KIAA0825: variants seen among roughly 807,000 people sequenced by gnomAD.
KIAA0825 encodes uncharacterized protein KIAA0825.
A neutral mutation model predicts 147.6 loss-of-function variants in KIAA0825; 119 were observed. The ratio of observed to expected loss-of-function variants is 0.81; its 90% CI spans 0.69 to 0.94. The LOEUF (loss-of-function observed/expected upper bound fraction) is 0.94. Ranked by LOEUF, KIAA0825 falls within the 40% of genes least tolerant of loss-of-function variation. KIAA0825 has a pLI of 0.00. For missense variants in KIAA0825, 1,381 were observed against 1,472.7 expected, an observed-to-expected ratio of 0.94 and a Z score of 1.02; for synonymous variants, 470 against 518.1, an observed-to-expected ratio of 0.91 and a Z score of 1.26.
intron 3 of KIAA0825, among the ~76,000 whole-genome samples, chr5:94,529,825 G>T (rs1158676759): frequency 1.3e-5 from 2 of 152,144 alleles, no homozygotes; most frequent in African/African-American, 2.4e-5. Context: ...TAAAACAAAT[G>T]CAATAAATAC....
chr5:94,211,122 G>T (rs1426584703), intron 20 of KIAA0825, among the ~76,000 whole-genome samples: 1 of 152,018 alleles, frequency 6.6e-6, no homozygotes, highest in Admixed American at 6.6e-5. Context: ...CCAACTCTTT[G>T]TCTGTTCTTT....
At chr5:94,596,924 T>A (rs72773504) in intron 1 of KIAA0825, among the ~76,000 whole-genome samples, 21,398 of 152,108 alleles carry the variant, frequency 0.14, 1,731 homozygotes, top group East Asian at 0.32. Flanking sequence ...ATATGTTGAT[T>A]TTGTATCCTG....
chr5:94,383,632 T>G (rs962979097), intron 20 of KIAA0825, among the ~76,000 whole-genome samples: 1 of 152,178 alleles, frequency 6.6e-6, no homozygotes, highest in Non-Finnish European at 1.5e-5. Flanking sequence ...ATCCAAATTT[T>G]TAAAGTTTAC....
chr5:94,203,226 T>G (rs1203529131), intron 20 of KIAA0825, among the ~76,000 whole-genome samples: 1 of 152,204 alleles, frequency 6.6e-6, no homozygotes, highest in Non-Finnish European at 1.5e-5. Context: ...AAAGCCTGTC[T>G]TACAGATTTT....
At chr5:94,363,691 T>C (rs1041394247) in intron 20 of KIAA0825, among the ~76,000 whole-genome samples, 1 of 151,802 alleles carries the variant, frequency 6.6e-6, no homozygotes, top group Non-Finnish European at 1.5e-5. Flanking sequence ...CAAGAACCCA[T>C]CTCTACAAAA....
chr5:94,525,790 G>A (rs533734847), intron 3 of KIAA0825, among the ~76,000 whole-genome samples: 1 of 151,902 alleles, frequency 6.6e-6, no homozygotes, highest in Non-Finnish European at 1.5e-5. Flanking sequence ...TCTAACATCC[G>A]AATCTGGGCA....
At chr5:94,406,468 A>G (rs983230683) in intron 15 of KIAA0825, among the ~76,000 whole-genome samples, 4 of 152,206 alleles carry the variant, frequency 2.6e-5, no homozygotes, top group Admixed American at 2.0e-4. Flanking sequence ...ATTTTAATGA[A>G]GGCATTGGCC....
intron 20 of KIAA0825, among the ~76,000 whole-genome samples, chr5:94,315,230 T>G (rs903811470): frequency 1.3e-5 from 2 of 151,678 alleles, no homozygotes; most frequent in African/African-American, 4.8e-5. Context: ...CGTCTTCTTT[T>G]TTAAAATCCA....
At chr5:94,478,602 A>C (rs1163842155) in intron 6 of KIAA0825, among the ~76,000 whole-genome samples, 1 of 152,286 alleles carries the variant, frequency 6.6e-6, no homozygotes, top group Admixed American at 6.5e-5. Flanking sequence ...TTAGACTCAA[A>C]CAGTGTTAGA....
At chr5:94,372,622 G>T (rs171721) in intron 20 of KIAA0825, among the ~76,000 whole-genome samples, 1 of 152,078 alleles carries the variant, frequency 6.6e-6, no homozygotes, top group African/African-American at 2.4e-5. Context: ...CACAGAGGAG[G>T]GGGGCCCTGG....
chr5:94,313,763 C>T (rs1460596742), intron 20 of KIAA0825, among the ~76,000 whole-genome samples: 1 of 151,478 alleles, frequency 6.6e-6, no homozygotes, highest in Admixed American at 6.6e-5. Context: ...CTCAAAGGTA[C>T]TGGTGTATAT....
chr5:94,550,048 A>G (rs149931341), intron 2 of KIAA0825, among the ~76,000 whole-genome samples: 3 of 152,302 alleles, frequency 2.0e-5, no homozygotes, highest in African/African-American at 7.2e-5. Flanking sequence ...CATATACACA[A>G]TGGAGTACTC....
chr5:94,529,440 A>G (rs1770303196), intron 3 of KIAA0825, among the ~76,000 whole-genome samples: 1 of 144,488 alleles, frequency 6.9e-6, no homozygotes, highest in South Asian at 2.1e-4. Flanking sequence ...TATATCATAT[A>G]TGTATATATG....
In KIAA0825 at chr5:94,532,960, G is replaced by A. The variant is rs190431827; in HGVS notation, c.131+4036C>T. Among the ~76,000 whole-genome samples, 614 of 151,602 alleles carry A rather than the reference G, an allele frequency of 4.1e-3. 6 individuals are homozygous for A. The highest frequency in any genetic ancestry group is 0.014 in the African/African-American group (570 of 41,362). Reference sequence around the variant, plus strand: ...TATATTTATCCAACTGAACATTAAGGGGGAAAAATCATTCTGTGTCTTTTT... The same window carrying A: ...TATATTTATCCAACTGAACATTAAGAGGGAAAAATCATTCTGTGTCTTTTT... On this transcript the variant is annotated intron_variant, in intron 3 of 20. Transcript: ENST00000682413.
chr5:94,334,558 C>T (rs576772213), intron 20 of KIAA0825, among the ~76,000 whole-genome samples: 1 of 152,340 alleles, frequency 6.6e-6, no homozygotes, highest in Non-Finnish European at 1.5e-5. Context: ...TCTCGGCTCA[C>T]TGCAACCTCC....
chr5:94,484,790 T>C lies in KIAA0825; in HGVS notation c.1111A>G (p.Lys371Glu), dbSNP rs1762858506. 1 of 1,496,746 alleles carries C rather than the reference T, an allele frequency of 6.7e-7. No individual in the cohort carries two copies. The highest frequency in any genetic ancestry group is 9.0e-7 in the Non-Finnish European group (1 of 1,111,680). The allele number at this position is 1,496,746 out of a possible 1,614,324, so 92.7% of individuals were successfully genotyped here. Residue 371 changes from lysine (K) to glutamate (E), a missense_variant, in exon 6 of 21, where the codon AAG becomes GAG. Physicochemically the swap from Lys to Glu is moderately conservative, Grantham distance 56. Coordinates refer to ENST00000682413, the MANE Select transcript of KIAA0825 (RefSeq NM_001145678.3). The stretch of plus-strand genomic sequence containing the variant: ...TTACCTGAAGTATCCCTGGTTATCT[T>C]GAGTGATAAAAGTATTTCGTCAAAC... The part of the protein sequence containing the change: ...ELFDEILLSL[K>E]ITRDTSGILE...
At chr5:94,562,606 A>G (rs1777748832) in intron 2 of KIAA0825, among the ~76,000 whole-genome samples, 1 of 152,226 alleles carries the variant, frequency 6.6e-6, no homozygotes, top group African/African-American at 2.4e-5. Context: ...TAGCAACTAC[A>G]AAAGAAAGCT....
rs750070509 is a variant in KIAA0825, at chr5:94,391,700, T to A, written c.3297-6A>T. 5.9e-6 allele frequency: 9 copies of A among 1,526,498 alleles called. No individual in the cohort carries two copies. The South Asian group carries it at 1.0e-4, about 17-fold the overall frequency. 94.6% of individuals were successfully genotyped at this position (1,526,498 alleles called of 1,614,324 possible). On this transcript the variant is annotated splice_region_variant and splice_polypyrimidine_tract_variant and intron_variant, in intron 17 of 20. Coordinates refer to ENST00000682413, the MANE Select transcript of KIAA0825 (RefSeq NM_001145678.3). ...TCTCTATTGTCATAAATGCACTAAA[T>A]ACAAAGAAAGCATATACATATCAGT...
At chr5:94,181,239 T>C (rs1393053333) in intron 20 of KIAA0825, among the ~76,000 whole-genome samples, 1 of 152,216 alleles carries the variant, frequency 6.6e-6, no homozygotes, top group Admixed American at 6.5e-5. Context: ...GGAACTCCTA[T>C]ACTTTAGAAT....
Sources: allele counts gnomAD v4.1 joint callset (sites outside exome capture counted in the v4.1 genomes callset), GRCh38; gene constraint gnomAD v4.1.1; transcripts MANE v1.5; gene names NCBI Gene and HGNC (gene_info 2026-07-23, HGNC 2026-07-21).